LRIT3: variants seen among roughly 807,000 people sequenced by gnomAD.
The protein encoded by LRIT3 is leucine-rich repeat, immunoglobulin-like domain and transmembrane domain-containing protein 3.
LRIT3 carries 14 observed loss-of-function variants against 22.6 expected under a neutral mutation model. The observed-to-expected ratio is 0.62, with a 90% CI of 0.41 to 0.97. The LOEUF (loss-of-function observed/expected upper bound fraction) is 0.97. Ranked by LOEUF, LRIT3 falls within the 50% of genes least tolerant of loss-of-function variation. The pLI is 0.00. For missense variants in LRIT3, 783 were observed against 803.0 expected (o/e 0.98, Z 0.30); for synonymous variants, 306 against 304.5 (o/e 1.01, Z -0.05).
chr4:109,848,837 A>C (rs1734139126), intron 1 of LRIT3, among the ~76,000 whole-genome samples: 1 of 152,242 alleles, frequency 6.6e-6, no homozygotes, highest in Admixed American at 6.5e-5. Flanking sequence ...TTTACAAAAT[A>C]AAGAAGATTG....
In LRIT3 at chr4:109,851,595, C is replaced by T. The variant is rs544073628; in HGVS notation, c.208C>T (p.Arg70Cys). Residue 70 changes from arginine (R) to cysteine (C), a missense_variant, in exon 2 of 4, where the codon CGC becomes TGC. This residue lies in a region of LRIT3 where 756 missense variants were observed against 753.8 expected (regional missense o/e 1.00). Coordinates refer to ENST00000594814, the MANE Select transcript of LRIT3 (RefSeq NM_198506.5). Reference protein sequence around the residue: ...VKLRIEKTVIRRISAEAFYYL... With the variant: ...VKLRIEKTVICRISAEAFYYL... Reference sequence around the variant, plus strand: ...GCTTCGCATAGAGAAGACTGTCATCCGCAGAATCTCTGCGGAGGCCTTCTA... The same window carrying T: ...GCTTCGCATAGAGAAGACTGTCATCTGCAGAATCTCTGCGGAGGCCTTCTA... 2.0e-4 allele frequency: 309 copies of T among 1,551,846 alleles called. 4 individuals carry two copies. The South Asian group carries it at 3.2e-3, about 16-fold the overall frequency.
intron 2 of LRIT3, among the ~76,000 whole-genome samples, chr4:109,861,093 G>A (rs929740582): frequency 6.6e-6 from 1 of 152,090 alleles, no homozygotes; most frequent in East Asian, 1.9e-4. Context: ...ATATGGCTGG[G>A]GGCCATGGCT....
In LRIT3 at chr4:109,871,767, T is replaced by C. The variant is rs978319370; in HGVS notation, c.*978T>C. On this transcript the variant is annotated 3_prime_UTR_variant, in exon 4 of 4. Coordinates refer to ENST00000594814, the MANE Select transcript of LRIT3 (RefSeq NM_198506.5). The stretch of plus-strand genomic sequence containing the variant: ...ACAACCCCAAAGGATATTTTAGGAC[T>C]TTAAAAGGGAAGCTTCAGTGGATTC... The C allele has an allele frequency of 1.6e-4, 24 of 152,212 alleles. No individual in the cohort carries two copies. The highest frequency in any genetic ancestry group is 3.3e-4 in the Admixed American group (5 of 15,280). 9.4% of individuals were successfully genotyped at this position (152,212 alleles called of 1,614,324 possible).
At chr4:109,850,541 A>G (rs998193759) in intron 1 of LRIT3, among the ~76,000 whole-genome samples, 2 of 148,074 alleles carry the variant, frequency 1.4e-5, no homozygotes, top group Non-Finnish European at 3.0e-5. Context: ...CAGTGGCGTG[A>G]TCTTGGCTGA....
intron 2 of LRIT3, among the ~76,000 whole-genome samples, chr4:109,863,215 T>C (rs1458639660): frequency 6.6e-6 from 1 of 152,086 alleles, no homozygotes; most frequent in Non-Finnish European, 1.5e-5. Flanking sequence ...ATTCCAGAGG[T>C]GGTAGAAGGC....
rs772441857 is a variant in LRIT3 at position 109,869,994 on chromosome 4, C to A, written c.1245C>A (p.Phe415Leu). 1.9e-6 allele frequency: 3 copies of A among 1,614,150 alleles called. No individual in the cohort carries two copies. The Admixed American group carries it at 5.0e-5, about 27-fold the overall frequency. ...PSTASFSLSP[F>L]SSSTVSSTTT... is the part of the protein sequence containing the mutation. ...CTGCTTCCTTCTCTTTATCTCCTTT[C>A]TCCTCCTCCACTGTTTCTTCAACCA... Residue 415 changes from phenylalanine (F) to leucine (L), a missense_variant, in exon 4 of 4, where the codon TTC becomes TTA. Coordinates refer to ENST00000594814, the MANE Select transcript of LRIT3 (RefSeq NM_198506.5).
intron 2 of LRIT3, 127 bp downstream of exon 2, chr4:109,852,103 T>C (rs1579372250): frequency 8.4e-6 from 7 of 831,998 alleles, no homozygotes; most frequent in South Asian, 3.8e-5. Flanking sequence ...ACTGGAATAG[T>C]ACCTTATTAG....
chr4:109,858,188 G>C (rs917243616), intron 2 of LRIT3, among the ~76,000 whole-genome samples: 1 of 152,058 alleles, frequency 6.6e-6, no homozygotes, highest in Non-Finnish European at 1.5e-5. Context: ...GTCATGGCTC[G>C]AATAAGAGGA....
rs1560588900 is a variant in LRIT3 at position 109,850,411 on chromosome 4, CTTCCTTCCTTCCTTTCT to C, written c.117-1089_117-1073del. ...CCTTCCTTCCTTCCTTCCTTCCTTC[CTTCCTTCCTTCCTTTCT>C]TTCTTTCTTTCTTTCTTTCTTTCTT... On this transcript the variant is annotated intron_variant, in intron 1 of 3. Transcript: ENST00000594814. Among the ~76,000 whole-genome samples the C allele has an allele frequency of 6.3e-3, 72 of 11,520 alleles. 3 individuals are homozygous for C. Among genetic ancestry groups the C allele is most frequent in the African/African-American group, 0.012 (43 of 3,670 alleles). 7.6% of individuals were successfully genotyped at this position (11,520 alleles called of 152,430 possible). A position where few individuals can be genotyped will look rare whatever the true frequency, so the allele number is the denominator to read the frequency against.
intron 2 of LRIT3, among the ~76,000 whole-genome samples, chr4:109,859,645 A>G (rs1396520617): frequency 1.3e-5 from 2 of 152,190 alleles, no homozygotes; most frequent in East Asian, 3.8e-4. Context: ...ATGCATATGG[A>G]CAGGTGCACC....
chr4:109,867,822 G>T lies in LRIT3; in HGVS notation c.771G>T (p.Met257Ile). 6.2e-7 allele frequency: 1 copy of T among 1,614,162 alleles called. No individual in the cohort carries two copies. Among genetic ancestry groups the T allele is most frequent in the Admixed American group, 1.7e-5 (1 of 60,030 alleles). The stretch of plus-strand genomic sequence containing the variant: ...AGCATTGTCTGAAACCATCAGTGAT[G>T]ACCTCAGCCACCAAAATCATGTCTG... ...ELEHCLKPSVMTSATKIMSAL... is the reference protein window; with the variant it reads ...ELEHCLKPSVITSATKIMSAL... Residue 257 changes from methionine (M) to isoleucine (I), a missense_variant, in exon 3 of 4, where the codon ATG (methionine) becomes ATT (isoleucine). Physicochemically the swap from Met to Ile is conservative, Grantham distance 10. Around this residue, in one of 2 missense-constraint regions of LRIT3, gnomAD observed 756 missense variants for 753.8 expected, o/e 1.00. Coordinates refer to ENST00000594814, the MANE Select transcript of LRIT3 (RefSeq NM_198506.5).
chr4:109,861,388 A>G (rs1734541897), intron 2 of LRIT3, among the ~76,000 whole-genome samples: 1 of 151,958 alleles, frequency 6.6e-6, no homozygotes, highest in South Asian at 2.1e-4. Flanking sequence ...CTTTTAAGGA[A>G]ACTTCCTGTT....
chr4:109,870,675 C>T lies in LRIT3; in HGVS notation c.1926C>T (p.Leu642=), dbSNP rs180730119. Residue 642 remains leucine (L), a synonymous_variant, in exon 4 of 4, where the codon CTC becomes CTT. Coordinates refer to ENST00000594814, the MANE Select transcript of LRIT3 (RefSeq NM_198506.5). ...CCAGGTCTCAAAGTGTAGGTGAGCT[C>T]TGGACACGAAGCCACAGGGATGACT... ...LFPRSQSVGE[L]WTRSHRDDSE... The T allele has an allele frequency of 2.2e-5, 36 of 1,614,076 alleles. No individual in the cohort carries two copies. In the East Asian group the frequency reaches 7.4e-4, roughly 33 times the overall value.
At chr4:109,861,105 A>G (rs1039362402) in intron 2 of LRIT3, among the ~76,000 whole-genome samples, 1 of 152,118 alleles carries the variant, frequency 6.6e-6, no homozygotes, top group Non-Finnish European at 1.5e-5. Context: ...GCCATGGCTC[A>G]CTCCTGTAAT....
chr4:109,870,899 C>A lies in LRIT3; in HGVS notation c.*110C>A. Reference sequence around the variant, plus strand: ...ACTTTCACATTGTACATGAAAATCACAAATGGAATGCTTTTAAGTATGTTT... The same window carrying A: ...ACTTTCACATTGTACATGAAAATCAAAAATGGAATGCTTTTAAGTATGTTT... On this transcript the variant is annotated 3_prime_UTR_variant, in exon 4 of 4. Coordinates refer to ENST00000594814, the MANE Select transcript of LRIT3 (RefSeq NM_198506.5). 1 of 1,092,966 alleles carries A rather than the reference C, an allele frequency of 9.1e-7. No individual in the cohort carries two copies. Among genetic ancestry groups the A allele is most frequent in the Admixed American group, 2.8e-5 (1 of 35,478 alleles). The allele number at this position is 1,092,966 out of a possible 1,614,324, so 67.7% of individuals were successfully genotyped here. A position where few individuals can be genotyped will look rare whatever the true frequency, so the allele number is the denominator to read the frequency against.
At chr4:109,855,892 G>A (rs1478779818) in intron 2 of LRIT3, among the ~76,000 whole-genome samples, 4 of 152,180 alleles carry the variant, frequency 2.6e-5, no homozygotes, top group Non-Finnish European at 5.9e-5. Flanking sequence ...TGATTGCACT[G>A]TAGTCTGAGA....
intron 2 of LRIT3, among the ~76,000 whole-genome samples, chr4:109,864,602 G>T (rs1579379630): frequency 6.6e-6 from 1 of 152,222 alleles, no homozygotes; most frequent in South Asian, 2.1e-4. Flanking sequence ...AACTGTGTGG[G>T]TCACAGTCTA....
At chr4:109,855,353 G>A (rs1309129382) in intron 2 of LRIT3, among the ~76,000 whole-genome samples, 1 of 152,050 alleles carries the variant, frequency 6.6e-6, no homozygotes, top group African/African-American at 2.4e-5. Context: ...ATTCTCTGAT[G>A]GTAGTTTGTA....
intron 1 of LRIT3, among the ~76,000 whole-genome samples, chr4:109,848,640 C>T (rs911058215): frequency 6.6e-6 from 1 of 152,134 alleles, no homozygotes; most frequent in South Asian, 2.1e-4. Flanking sequence ...CCAGCTAAGC[C>T]CTTGATTATA....
Sources: gnomAD v4.1 joint callset for allele counts (sites outside exome capture counted in the v4.1 genomes callset) on GRCh38, gnomAD v4.1.1 for gene constraint, gnomAD v4.1.1 regional missense constraint, MANE v1.5 for transcripts, NCBI Gene and HGNC (gene_info 2026-07-23, HGNC 2026-07-21) for gene names.